TLE2: variants seen among roughly 807,000 people sequenced by gnomAD.
TLE2 encodes the protein TLE family member 2, transcriptional corepressor.
TLE2 carries 74 observed loss-of-function variants against 97.2 expected under a neutral mutation model. The observed-to-expected ratio is 0.76, with a 90% CI of 0.63 to 0.92. The LOEUF is 0.92. TLE2 is among the 40% of genes least tolerant of loss of function. The probability of loss-of-function intolerance (pLI) is 0.00; values close to 1 mark genes in which losing one functional copy is unlikely to be tolerated. For missense variants in TLE2, 1,038 were observed against 1,008.7 expected (o/e 1.03, Z -0.39); for synonymous variants, 499 against 432.1 (o/e 1.15, Z -1.92).
At position 3,006,773 on chromosome 19, in the gene TLE2, G is replaced by A. The variant is rs534932038; in HGVS notation, c.1251-104C>T. 8.7e-5 allele frequency: 125 copies of A among 1,443,602 alleles called. No individual in the cohort carries two copies. The East Asian group carries it at 2.8e-3, about 32-fold the overall frequency. The allele number at this position is 1,443,602 out of a possible 1,614,324, so 89.4% of individuals were successfully genotyped here. A position where few individuals can be genotyped will look rare whatever the true frequency, so the allele number is the denominator to read the frequency against. On this transcript the variant is annotated intron_variant, in intron 14 of 19. Transcript: ENST00000262953. ...TTTGTCCTGCCTGGCACCCTCTGAT[G>A]TGTTTTTTATTTTTTGTTTTGTTTT...
intron 15 of TLE2, 69 bp from the exon 16 acceptor site, chr19:3,006,037 C>T (rs1422771763): frequency 3.2e-6 from 5 of 1,566,458 alleles, no homozygotes; most frequent in East Asian, 2.2e-5. Context: ...CCTAGCTCAA[C>T]GTGGGGGTCT....
At position 3,043,449 on chromosome 19, in the gene TLE2, T is replaced by C. The variant is rs547964130; in HGVS notation, c.63+2277A>G. ...GCTTCAGCCTCCCAAAGTGCTGGGA[T>C]TACAGGCGTGAGCCACCGCGCCATG... On this transcript the variant is annotated intron_variant, in intron 1 of 18. Coordinates refer to the TLE2 transcript ENST00000426948. Among the ~76,000 whole-genome samples, 394 of 147,876 alleles carry C rather than the reference T, an allele frequency of 2.7e-3. 2 individuals are homozygous for C. The highest frequency in any genetic ancestry group is 9.6e-3 in the African/African-American group (381 of 39,842).
At chr19:3,011,736 G>A (rs1390128041) in intron 11 of TLE2, among the ~76,000 whole-genome samples, 1 of 151,768 alleles carries the variant, frequency 6.6e-6, no homozygotes, top group East Asian at 1.9e-4. Context: ...TGTAATTCCA[G>A]CTACTTGGGA....
rs766224117 is a variant in TLE2 at position 3,000,628 on chromosome 19, G to A, written c.2124+19C>T. 1.3e-6 allele frequency: 2 copies of A among 1,566,972 alleles called. No individual in the cohort carries two copies. Among genetic ancestry groups the A allele is most frequent in the Non-Finnish European group, 1.7e-6 (2 of 1,156,540 alleles). On this transcript the variant is annotated intron_variant, in intron 19 of 19. Coordinates refer to ENST00000262953, the MANE Select transcript of TLE2 (RefSeq NM_003260.5). Reference sequence around the variant, plus strand: ...GGCACATGGCCCTGCCAGAGTGGGGGCTCCAGACCGCCGAGTACCTGGAAA... The same window carrying A: ...GGCACATGGCCCTGCCAGAGTGGGGACTCCAGACCGCCGAGTACCTGGAAA...
At chr19:3,006,247 C>A (rs2089474495) in intron 15 of TLE2, 173 bp downstream of exon 15, 11 of 1,175,446 alleles carry the variant, frequency 9.4e-6, no homozygotes, top group Non-Finnish European at 1.4e-5. Context: ...CAGAGCCCCA[C>A]CCCTTTGGCC....
intron 10 of TLE2, 98 bp from the exon 11 acceptor site, chr19:3,013,916 T>TTG: frequency 8.4e-7 from 1 of 1,192,434 alleles, no homozygotes; most frequent in Non-Finnish European, 1.1e-6. Context: ...ATCTCTAGAA[T>TTG]GGGTACCCAT....
upstream of TLE2, among the ~76,000 whole-genome samples, chr19:3,032,754 C>T (rs1363077234): frequency 3.3e-5 from 5 of 152,032 alleles, no homozygotes. The surrounding 1 kb of genome is among the most constrained non-coding windows in gnomAD (Gnocchi z 4.1). Flanking sequence ...CATCATTCTA[C>T]GCTGTCAAGA....
upstream of TLE2, among the ~76,000 whole-genome samples, chr19:3,047,362 C>G (rs2090152448): frequency 7.0e-6 from 1 of 141,880 alleles, no homozygotes; most frequent in Non-Finnish European, 1.6e-5. Context: ...CAGGACGCCT[C>G]CTGCCACCCG....
chr19:3,024,382 C>A lies in TLE2; in HGVS notation c.294+638G>T, dbSNP rs114676805. ...GCACACACACGGTTGTGCAGCCATC[C>A]CCAGCACCATCTCCAGAATTTTCCC... On this transcript the variant is annotated intron_variant, in intron 5 of 19. Coordinates refer to ENST00000262953, the MANE Select transcript of TLE2 (RefSeq NM_003260.5). Among the ~76,000 whole-genome samples, 1,121 of 152,074 alleles carry A rather than the reference C, an allele frequency of 7.4e-3. 13 individuals are homozygous for A. Among genetic ancestry groups the A allele is most frequent in the African/African-American group, 0.026 (1,079 of 41,466 alleles).
chr19:3,009,167 T>C (rs973391386), intron 13 of TLE2, among the ~76,000 whole-genome samples: 1 of 152,104 alleles, frequency 6.6e-6, no homozygotes, highest in African/African-American at 2.4e-5. Context: ...ACTCCACGGT[T>C]CCAAGGATCC....
intron 1 of TLE2, among the ~76,000 whole-genome samples, chr19:3,040,360 T>TA (rs1042480774): frequency 6.6e-6 from 1 of 152,082 alleles, no homozygotes; most frequent in African/African-American, 2.4e-5. Flanking sequence ...GTTTTTTTTT[T>TA]AAGACAGTCT....
chr19:2,998,016 G>C (rs1373770502), intron 19 of TLE2, 61 bp from the exon 20 acceptor site: 2 of 1,273,320 alleles, frequency 1.6e-6, no homozygotes. Flanking sequence ...AGATGGGTGT[G>C]TGGGCAAGGC....
At chr19:2,999,023 C>A (rs527649063) in intron 19 of TLE2, among the ~76,000 whole-genome samples, 2 of 152,236 alleles carry the variant, frequency 1.3e-5, no homozygotes, top group South Asian at 4.2e-4. Flanking sequence ...AGGGTTGGCA[C>A]GGTGGCTCGG....
At chr19:3,041,565 G>A (rs1439533063) in intron 1 of TLE2, among the ~76,000 whole-genome samples, 3 of 152,084 alleles carry the variant, frequency 2.0e-5, no homozygotes, top group Non-Finnish European at 2.9e-5. Context: ...TCCTCTCCTG[G>A]GCCAAGCAGC....
intron 1 of TLE2, among the ~76,000 whole-genome samples, chr19:3,034,445 C>A (rs970386847): frequency 1.3e-5 from 2 of 151,834 alleles, no homozygotes; most frequent in Non-Finnish European, 1.5e-5. Flanking sequence ...CTTCCTCCAC[C>A]AGATCACACC....
At chr19:3,042,116 G>A (rs1378910285) in intron 1 of TLE2, among the ~76,000 whole-genome samples, 2 of 149,952 alleles carry the variant, frequency 1.3e-5, no homozygotes, top group South Asian at 2.1e-4. Flanking sequence ...CGTGGGGACC[G>A]CCCCTCCCCG....
At chr19:3,033,082 G>A (rs1313412914), upstream of TLE2, among the ~76,000 whole-genome samples, 16 of 150,518 alleles carry the variant, frequency 1.1e-4, no homozygotes, top group Non-Finnish European at 1.5e-4. Context: ...TACAGATCTC[G>A]GCTCACTGCA....
chr19:3,017,819 C>T, intron 8 of TLE2, 21 bp downstream of exon 8: 1 of 1,610,290 alleles, frequency 6.2e-7, no homozygotes, highest in Non-Finnish European at 8.5e-7. Context: ...TAAAAAGAGT[C>T]CCAGGGTGCC....
At chr19:3,025,871 C>A (rs1355954272) in intron 4 of TLE2, among the ~76,000 whole-genome samples, 1 of 151,994 alleles carries the variant, frequency 6.6e-6, no homozygotes, top group Non-Finnish European at 1.5e-5. Flanking sequence ...GCAGACAAGC[C>A]CCCTCCTGCC....
Sources: allele counts gnomAD v4.1 joint callset (sites outside exome capture counted in the v4.1 genomes callset), GRCh38; gene constraint gnomAD v4.1.1; non-coding constraint Gnocchi (gnomAD v3.1); transcripts MANE v1.5; gene names NCBI Gene and HGNC (gene_info 2026-07-23, HGNC 2026-07-21).